SCARB1: variants seen among roughly 807,000 people sequenced by gnomAD.
The protein encoded by SCARB1 is CD36 and LIMPII analogous 1.
SCARB1 carries 30 observed loss-of-function variants against 57.2 expected under a neutral mutation model. The observed-to-expected ratio is 0.52, with a 90% CI of 0.39 to 0.71. The LOEUF (loss-of-function observed/expected upper bound fraction) is 0.71. Among genes scored for constraint, SCARB1 ranks in the 30% least tolerant of loss-of-function variants. SCARB1 has a pLI of 0.00. For synonymous variants in SCARB1, 249 were observed against 268.3 expected, an observed-to-expected ratio of 0.93 and a Z score of 0.70; for missense variants, 543 against 671.2, an observed-to-expected ratio of 0.81 and a Z score of 2.11.
At chr12:124,795,745 G>A (rs1403746268) in intron 8 of SCARB1, among the ~76,000 whole-genome samples, 1 of 152,164 alleles carries the variant, frequency 6.6e-6, no homozygotes, top group African/African-American at 2.4e-5. Context: ...GTCTCAGCCA[G>A]GTGTTTGCAT....
chr12:124,850,606 G>C (rs1217355594), intron 1 of SCARB1, among the ~76,000 whole-genome samples: 1 of 151,964 alleles, frequency 6.6e-6, no homozygotes, highest in Non-Finnish European at 1.5e-5. Flanking sequence ...GGAGGCAAAG[G>C]TTGCGGTGAG....
At chr12:124,785,273 A>G (rs1265090409) in intron 11 of SCARB1, 2 of 152,490 alleles carry the variant, frequency 1.3e-5, no homozygotes, top group African/African-American at 4.8e-5. Flanking sequence ...TCCCAGAATC[A>G]GTTCCAAACT....
In SCARB1 at chr12:124,796,425, C is replaced by T. The variant is rs566093968; in HGVS notation, c.1129-1157G>A. On this transcript the variant is annotated intron_variant, in intron 8 of 12. Coordinates refer to ENST00000261693, the MANE Select transcript of SCARB1 (RefSeq NM_005505.5). The surrounding 1 kb of genome is among the most constrained non-coding windows in gnomAD (Gnocchi z 4.0). Reference sequence around the variant, plus strand: ...AGACTTTTTTTTTTAAGTAAATAACCGAAGTGACACACATGTGTCATCAAA... The same window carrying T: ...AGACTTTTTTTTTTAAGTAAATAACTGAAGTGACACACATGTGTCATCAAA... Among the ~76,000 whole-genome samples, 31 of 152,134 alleles carry T rather than the reference C, an allele frequency of 2.0e-4. No homozygotes were observed. Among genetic ancestry groups the T allele is most frequent in the African/African-American group, 6.3e-4 (26 of 41,506 alleles).
intron 11 of SCARB1, chr12:124,783,418 A>C (rs1949388867): frequency 6.6e-6 from 1 of 152,540 alleles, no homozygotes; most frequent in South Asian, 2.1e-4. Flanking sequence ...AAATTAAAAT[A>C]TGTTGAGTTT....
chr12:124,858,182 CACAT>C (rs1298896844), intron 1 of SCARB1, among the ~76,000 whole-genome samples: 1 of 152,250 alleles, frequency 6.6e-6, no homozygotes, highest in African/African-American at 2.4e-5. Context: ...TGCACGCACA[CACAT>C]ACACTAGCGA....
intron 5 of SCARB1, 30 bp downstream of exon 5, chr12:124,811,840 C>G: frequency 7.1e-6 from 11 of 1,540,948 alleles, no homozygotes; most frequent in Non-Finnish European, 9.8e-6. Context: ...CTCTCCCTGG[C>G]GACAGGGGCC....
chr12:124,807,848 A>G lies in SCARB1; in HGVS notation c.922T>C (p.Phe308Leu). The G allele has an allele frequency of 6.2e-7, 1 of 1,614,166 alleles. No homozygotes were observed. The highest frequency in any genetic ancestry group is 1.3e-5 in the African/African-American group (1 of 75,042). ...TYRFVAPKTL[F>L]ANGSIYPPNE... The stretch of plus-strand genomic sequence containing the variant: ...GGTGGGTAGATGGACCCGTTGGCAA[A>G]CAGGGTTTTGGGAGCCACGAAGCGA... Residue 308 changes from phenylalanine (F) to leucine (L), a missense_variant, in exon 7 of 13, where the codon TTT becomes CTT. Coordinates refer to ENST00000261693, the MANE Select transcript of SCARB1 (RefSeq NM_005505.5). This position sits in a 1 kb window ranked among gnomAD's most constrained non-coding sequence, Gnocchi z 5.3.
intron 5 of SCARB1, among the ~76,000 whole-genome samples, chr12:124,811,653 C>T (rs1317504200): frequency 6.6e-6 from 1 of 152,070 alleles, no homozygotes; most frequent in Non-Finnish European, 1.5e-5. Context: ...TCAGTAAGCT[C>T]AGTAAGCAAT....
At chr12:124,803,586 C>A (rs899965390) in intron 7 of SCARB1, among the ~76,000 whole-genome samples, 4 of 142,162 alleles carry the variant, frequency 2.8e-5, no homozygotes, top group Admixed American at 7.4e-5. Context: ...AAGCAAAAAA[C>A]CCCAAAAACT....
At chr12:124,804,974 C>T (rs961138442) in intron 7 of SCARB1, among the ~76,000 whole-genome samples, 3 of 152,190 alleles carry the variant, frequency 2.0e-5, no homozygotes, top group African/African-American at 7.2e-5. Flanking sequence ...GTACCCATTA[C>T]ATGCGGGGCA....
At chr12:124,804,532 C>A (rs1018726271) in intron 7 of SCARB1, among the ~76,000 whole-genome samples, 4 of 152,192 alleles carry the variant, frequency 2.6e-5, no homozygotes, top group Non-Finnish European at 5.9e-5. Context: ...GTTGCTGTAG[C>A]ACACCTATTG....
chr12:124,792,769 A>T (rs1315655557), intron 9 of SCARB1, among the ~76,000 whole-genome samples: 1 of 149,670 alleles, frequency 6.7e-6, no homozygotes. Flanking sequence ...CCTCCCAATA[A>T]GTAAAAATTG....
At position 124,807,725 on chromosome 12, in the gene SCARB1, C is replaced by T; in HGVS notation, c.1009+36G>A. On this transcript the variant is annotated intron_variant, in intron 7 of 12. Transcript: ENST00000261693. The surrounding 1 kb of genome is among the most constrained non-coding windows in gnomAD (Gnocchi z 5.3). ...ACCCTCAGCTGGCCCCACCCTCACA[C>T]CCTCCCGCCATCCCAGCACAGGGGA... 6.2e-7 allele frequency: 1 copy of T among 1,611,758 alleles called. No homozygotes were observed. Among genetic ancestry groups the T allele is most frequent in the South Asian group, 1.1e-5 (1 of 90,922 alleles).
In SCARB1 at chr12:124,794,980, G is replaced by A. The variant is rs188094006; in HGVS notation, c.1202+215C>T. 3.1e-3 allele frequency among the ~76,000 whole-genome samples: 369 copies of A among 118,804 alleles called. 2 individuals are homozygous for A. The highest frequency in any genetic ancestry group is 0.016 in the African/African-American group (344 of 21,892). 77.9% of individuals were successfully genotyped at this position (118,804 alleles called of 152,430 possible). A position where few individuals can be genotyped will look rare whatever the true frequency, so the allele number is the denominator to read the frequency against. On this transcript the variant is annotated intron_variant, in intron 9 of 12. Coordinates refer to ENST00000261693, the MANE Select transcript of SCARB1 (RefSeq NM_005505.5). ...AAAGAGAAAGAAAAGTGGTGTTCTG[G>A]GGAAGGAATATCAGGATGCAGGTCA...
intron 1 of SCARB1, among the ~76,000 whole-genome samples, chr12:124,837,472 A>AAGG (rs1566231087): frequency 0.044 from 3,189 of 72,580 alleles, 184 homozygotes; most frequent in African/African-American, 0.082. Context: ...AGAAAGAAAG[A>AAGG]AAGGAAGGAA....
At chr12:124,846,655 C>T (rs760471180) in intron 1 of SCARB1, among the ~76,000 whole-genome samples, 5 of 143,494 alleles carry the variant, frequency 3.5e-5, no homozygotes, top group African/African-American at 1.0e-4. Flanking sequence ...TGCTTGAACC[C>T]GGGGGGCAGA....
At position 124,800,931 on chromosome 12, in the gene SCARB1, G is replaced by GGC. The variant is rs1950108724; in HGVS notation, c.1010-691_1010-690dup. ...CTCTCTCAAAAGCTCACGAGGGCCA[G>GGC]GCGCCATGGCTTACACCTGTAATCC... On this transcript the variant is annotated intron_variant, in intron 7 of 12. Transcript: ENST00000261693. The surrounding 1 kb of genome is among the most constrained non-coding windows in gnomAD (Gnocchi z 4.8). 6.6e-6 allele frequency among the ~76,000 whole-genome samples: 1 copy of GGC among 152,234 alleles called. No homozygotes were observed. Among genetic ancestry groups the GGC allele is most frequent in the Non-Finnish European group, 1.5e-5 (1 of 68,034 alleles).
At chr12:124,828,736 G>T (rs1951267674) in intron 1 of SCARB1, among the ~76,000 whole-genome samples, 1 of 152,224 alleles carries the variant, frequency 6.6e-6, no homozygotes, top group African/African-American at 2.4e-5. Context: ...TCCCCGCTGG[G>T]CTCCTTGCAC....
At chr12:124,849,568 C>T (rs926261497) in intron 1 of SCARB1, among the ~76,000 whole-genome samples, 2 of 152,248 alleles carry the variant, frequency 1.3e-5, no homozygotes, top group East Asian at 1.9e-4. Context: ...CCTTGCTGCC[C>T]GGGCCCTCCT....
Sources: allele counts gnomAD v4.1 joint callset (sites outside exome capture counted in the v4.1 genomes callset), GRCh38; gene constraint gnomAD v4.1.1; non-coding constraint Gnocchi (gnomAD v3.1); transcripts MANE v1.5; gene names NCBI Gene and HGNC (gene_info 2026-07-23, HGNC 2026-07-21).